The following OPCML variants were observed in gnomAD, a reference collection of about 807,000 sequenced individuals.
OPCML encodes the protein opioid binding protein/cell adhesion molecule like.
A neutral mutation model predicts 37.8 loss-of-function variants in OPCML; 13 were observed. The ratio of observed to expected loss-of-function variants is 0.34; its 90% CI spans 0.22 to 0.55. OPCML has a LOEUF of 0.55. Among genes scored for constraint, OPCML ranks in the 20% least tolerant of loss-of-function variants. The pLI is 0.91. For missense variants in OPCML, 341 were observed against 435.6 expected, an observed-to-expected ratio of 0.78 and a Z score of 1.93; for synonymous variants, 176 against 168.8, an observed-to-expected ratio of 1.04 and a Z score of -0.33.
chr11:132,708,936 G>T (rs751117391), intron 2 of OPCML, among the ~76,000 whole-genome samples: 1 of 152,154 alleles, frequency 6.6e-6, no homozygotes, highest in Non-Finnish European at 1.5e-5. Context: ...AAATGGAATG[G>T]CCATCCCTCA....
At chr11:132,764,304 C>G (rs1037876032) in intron 2 of OPCML, among the ~76,000 whole-genome samples, 2 of 152,168 alleles carry the variant, frequency 1.3e-5, no homozygotes, top group African/African-American at 4.8e-5. Context: ...CCCACCATTG[C>G]TGCTCACCGC....
chr11:132,771,886 C>T (rs1485783263), intron 2 of OPCML: 2 of 152,330 alleles, frequency 1.3e-5, no homozygotes, highest in Non-Finnish European at 1.5e-5. Context: ...CCACATGAGC[C>T]AGGAGCTAAC....
chr11:133,370,966 T>C (rs932910979), intron 1 of OPCML, among the ~76,000 whole-genome samples: 2 of 152,164 alleles, frequency 1.3e-5, no homozygotes, highest in African/African-American at 4.8e-5. Context: ...ACTCAAATGA[T>C]TCAGCGGCAA....
chr11:133,201,842 A>G (rs2136320826), intron 1 of OPCML, among the ~76,000 whole-genome samples: 1 of 152,288 alleles, frequency 6.6e-6, no homozygotes, highest in South Asian at 2.1e-4. Context: ...CGCCTCTCCA[A>G]ACTTATCTGC....
At chr11:132,484,179 G>C (rs2096191359) in intron 4 of OPCML, among the ~76,000 whole-genome samples, 1 of 152,034 alleles carries the variant, frequency 6.6e-6, no homozygotes, top group African/African-American at 2.4e-5. Flanking sequence ...CTGACAAAGG[G>C]CTAATATCCA....
chr11:133,045,001 A>G (rs1334965518), intron 1 of OPCML, among the ~76,000 whole-genome samples: 2 of 152,200 alleles, frequency 1.3e-5, no homozygotes, highest in African/African-American at 4.8e-5. Context: ...TAAGCAAAAG[A>G]ATAAACACAT....
intron 1 of OPCML, among the ~76,000 whole-genome samples, chr11:133,108,088 C>A (rs1949188740): frequency 6.6e-6 from 1 of 152,094 alleles, no homozygotes; most frequent in Non-Finnish European, 1.5e-5. Context: ...TTGTTTATGG[C>A]AGGAGAGGGT....
At chr11:132,934,866 G>A (rs1032595866) in intron 2 of OPCML, among the ~76,000 whole-genome samples, 3 of 152,138 alleles carry the variant, frequency 2.0e-5, no homozygotes, top group African/African-American at 7.2e-5. Context: ...GCGGCTGGGT[G>A]CAGAGGCTCA....
chr11:133,244,388 A>G (rs1324772099), intron 1 of OPCML, among the ~76,000 whole-genome samples: 3 of 152,146 alleles, frequency 2.0e-5, no homozygotes, highest in Non-Finnish European at 4.4e-5. Flanking sequence ...AATGTTAGCC[A>G]TTAGTATTGT....
intron 2 of OPCML, among the ~76,000 whole-genome samples, chr11:132,675,902 A>T: frequency 6.6e-6 from 1 of 152,272 alleles, no homozygotes; most frequent in South Asian, 2.1e-4. Flanking sequence ...GTCTTTATCA[A>T]CATTTCAGCT....
At position 132,786,418 on chromosome 11, in the gene OPCML, G is replaced by A. The variant is rs370888020; in HGVS notation, c.147-129099C>T. 6.6e-5 allele frequency among the ~76,000 whole-genome samples: 10 copies of A among 152,216 alleles called. No individual in the cohort carries two copies. The South Asian group carries it at 2.1e-3, about 32-fold the overall frequency. The stretch of plus-strand genomic sequence containing the variant: ...ATATCAATGCCGTAGATAACTTTTG[G>A]ATAACTCAAATAAAGTAAGTGATTT... On this transcript the variant is annotated intron_variant, in intron 2 of 7. Transcript: ENST00000524381.
At chr11:132,426,836 A>G (rs1272832539) in intron 7 of OPCML, among the ~76,000 whole-genome samples, 1 of 152,236 alleles carries the variant, frequency 6.6e-6, no homozygotes, top group Non-Finnish European at 1.5e-5. Context: ...CCATCCTGGC[A>G]CTAAGCTTTT....
chr11:133,007,764 CAT>C (rs1213386526), intron 1 of OPCML: 1 of 985,274 alleles, frequency 1.0e-6, no homozygotes. Context: ...AAGACGCAGG[CAT>C]AGACATTTTG....
intron 1 of OPCML, among the ~76,000 whole-genome samples, chr11:133,153,838 T>C (rs1228599165): frequency 6.6e-6 from 1 of 152,104 alleles, no homozygotes; most frequent in Non-Finnish European, 1.5e-5. Context: ...AGATGTGAAG[T>C]ATCACACGTG....
At chr11:132,646,405 T>C (rs1219490720) in intron 3 of OPCML, among the ~76,000 whole-genome samples, 1 of 152,230 alleles carries the variant, frequency 6.6e-6, no homozygotes, top group Non-Finnish European at 1.5e-5. Context: ...TAAGAGCTTT[T>C]GACTTGACTT....
In OPCML at chr11:132,943,783, C is replaced by A. The variant is rs1175234776; in HGVS notation, c.62-773G>T. 7 of 150,372 alleles carry A rather than the reference C, an allele frequency of 4.7e-5. No homozygotes were observed. The East Asian group carries it at 1.4e-3, about 29-fold the overall frequency. 9.3% of individuals were successfully genotyped at this position (150,372 alleles called of 1,614,324 possible). On this transcript the variant is annotated intron_variant, in intron 1 of 7. Coordinates refer to ENST00000524381, the MANE Select transcript of OPCML (RefSeq NM_001012393.5). This position sits in a 1 kb window ranked among gnomAD's most constrained non-coding sequence, Gnocchi z 4.3. The stretch of plus-strand genomic sequence containing the variant: ...CCGCCCGGCGCAGGCTCCGGGCGCA[C>A]GGGGAGCTGGGCGGACGGCGGCCCC...
At chr11:133,025,946 C>T (rs990124234) in intron 1 of OPCML, 7 of 357,890 alleles carry the variant, frequency 2.0e-5, no homozygotes, top group Admixed American at 6.5e-5. Flanking sequence ...TGTTGGCCAG[C>T]GTGGTCTCGA....
At chr11:132,704,527 C>T (rs909008054) in intron 2 of OPCML, among the ~76,000 whole-genome samples, 1 of 151,918 alleles carries the variant, frequency 6.6e-6, no homozygotes, top group Non-Finnish European at 1.5e-5. Flanking sequence ...TTAATTTCAG[C>T]ATTGGAATGG....
intron 1 of OPCML, among the ~76,000 whole-genome samples, chr11:132,965,649 C>T (rs1019795552): frequency 6.6e-6 from 1 of 152,166 alleles, no homozygotes; most frequent in African/African-American, 2.4e-5. Context: ...TCTCCTGCCT[C>T]AGCCTCCTGA....
Sources: allele counts gnomAD v4.1 joint callset (sites outside exome capture counted in the v4.1 genomes callset), GRCh38; gene constraint gnomAD v4.1.1; non-coding constraint Gnocchi (gnomAD v3.1); transcripts MANE v1.5; gene names NCBI Gene and HGNC (gene_info 2026-07-23, HGNC 2026-07-21).